The following ROBO2 variants were observed in gnomAD, a reference collection of about 807,000 sequenced individuals.
ROBO2 encodes roundabout guidance receptor 2.
Under a neutral mutation model 160.8 loss-of-function variants are expected in ROBO2, and 53 were observed. That is an observed-to-expected ratio of 0.33 (90% CI 0.26 to 0.41). The LOEUF (loss-of-function observed/expected upper bound fraction) is 0.41. Among genes scored for constraint, ROBO2 ranks in the 10% least tolerant of loss-of-function variants. The pLI is 1.00. For synonymous variants in ROBO2, 664 were observed against 611.7 expected (o/e 1.09, Z -1.26); for missense variants, 1,577 against 1,722.4 (o/e 0.92, Z 1.49).
intron 2 of ROBO2, among the ~76,000 whole-genome samples, chr3:76,371,704 T>A (rs1225610466): frequency 1.3e-5 from 2 of 151,946 alleles, no homozygotes; most frequent in Non-Finnish European, 2.9e-5. Flanking sequence ...ACTTAAAAAA[T>A]GTATAGGTTT....
At chr3:75,991,875 G>A (rs1020669533) in intron 2 of ROBO2, among the ~76,000 whole-genome samples, 1 of 152,116 alleles carries the variant, frequency 6.6e-6, no homozygotes, top group South Asian at 2.1e-4. Context: ...TTCAGAAAAG[G>A]GTTACTCTTG....
intron 2 of ROBO2, among the ~76,000 whole-genome samples, chr3:76,567,648 T>C (rs1445180946): frequency 4.5e-4 from 39 of 86,056 alleles, no homozygotes; most frequent in Non-Finnish European, 5.9e-4. Context: ...TATATATATA[T>C]ATATACACAT....
chr3:77,168,660 C>T (rs1182324748), intron 2 of ROBO2, among the ~76,000 whole-genome samples: 4 of 152,052 alleles, frequency 2.6e-5, no homozygotes, highest in Non-Finnish European at 4.4e-5. Flanking sequence ...TTTTTTGCCC[C>T]GACTCCTAGT....
intron 2 of ROBO2, among the ~76,000 whole-genome samples, chr3:76,300,265 G>C (rs1451714394): frequency 2.0e-5 from 3 of 151,064 alleles, no homozygotes; most frequent in Non-Finnish European, 4.4e-5. Context: ...GCTGCTCCCT[G>C]AATAGTTCTT....
chr3:76,131,755 T>C (rs75556586), intron 2 of ROBO2, among the ~76,000 whole-genome samples: 2 of 152,140 alleles, frequency 1.3e-5, no homozygotes, highest in East Asian at 1.9e-4. Context: ...TAAAAACAAG[T>C]GAGCATTTAG....
chr3:76,715,321 A>G (rs2093362445), intron 2 of ROBO2, among the ~76,000 whole-genome samples: 1 of 152,198 alleles, frequency 6.6e-6, no homozygotes. Flanking sequence ...ACTAACATCA[A>G]CAAAACAAAA....
chr3:77,199,811 G>C (rs1453298993), intron 2 of ROBO2, among the ~76,000 whole-genome samples: 1 of 150,034 alleles, frequency 6.7e-6, no homozygotes, highest in Non-Finnish European at 1.5e-5. Context: ...GTTGTTTATA[G>C]AGATGATGAC....
intron 2 of ROBO2, among the ~76,000 whole-genome samples, chr3:77,277,195 T>G (rs2059923008): frequency 7.5e-6 from 1 of 133,942 alleles, no homozygotes; most frequent in African/African-American, 2.8e-5. Context: ...TTTCTTTCTT[T>G]CTTTCTTTCT....
intron 2 of ROBO2, among the ~76,000 whole-genome samples, chr3:76,336,981 TA>T (rs915714744): frequency 5.3e-5 from 8 of 151,890 alleles, no homozygotes; most frequent in East Asian, 3.9e-4. Context: ...ATTGGGTATT[TA>T]AAAAAAACCC....
intron 21 of ROBO2, among the ~76,000 whole-genome samples, chr3:77,611,976 T>A (rs1201358636): frequency 6.6e-6 from 1 of 152,216 alleles, no homozygotes; most frequent in Non-Finnish European, 1.5e-5. Context: ...GGCAAGCTTC[T>A]GCCAGTGTTG....
At chr3:76,251,717 G>A (rs552986243) in intron 2 of ROBO2, among the ~76,000 whole-genome samples, 2 of 152,178 alleles carry the variant, frequency 1.3e-5, no homozygotes, top group South Asian at 4.1e-4. Flanking sequence ...TGTAAATAAG[G>A]AACATTCAGT....
intron 2 of ROBO2, among the ~76,000 whole-genome samples, chr3:76,485,613 G>T (rs2079450587): frequency 6.6e-6 from 1 of 152,144 alleles, no homozygotes; most frequent in South Asian, 2.1e-4. Flanking sequence ...CCTACTTTGA[G>T]AAATAGGTGT....
intron 2 of ROBO2, among the ~76,000 whole-genome samples, chr3:77,003,133 C>T (rs936068306): frequency 6.6e-6 from 1 of 152,078 alleles, no homozygotes; most frequent in Non-Finnish European, 1.5e-5. Flanking sequence ...AATAAATATT[C>T]TTTGTTATGT....
intron 2 of ROBO2, among the ~76,000 whole-genome samples, chr3:76,315,024 G>T (rs2071889795): frequency 6.6e-6 from 1 of 152,170 alleles, no homozygotes; most frequent in South Asian, 2.1e-4. Context: ...AGGTCTAGAA[G>T]ATGTAAGTGG....
chr3:77,511,239 G>A (rs2089351645), intron 5 of ROBO2, among the ~76,000 whole-genome samples: 1 of 151,984 alleles, frequency 6.6e-6, no homozygotes, highest in African/African-American at 2.4e-5. Context: ...TCTACCATGG[G>A]AATGTAAGAT....
chr3:77,594,787 T>G (rs574649420), intron 17 of ROBO2, among the ~76,000 whole-genome samples: 45 of 152,302 alleles, frequency 3.0e-4, no homozygotes, highest in Non-Finnish European at 6.0e-4. Context: ...CACCTTTGTT[T>G]TAAAATTAAA....
At chr3:77,295,177 G>A in intron 2 of ROBO2, among the ~76,000 whole-genome samples, 1 of 148,696 alleles carries the variant, frequency 6.7e-6, no homozygotes, top group African/African-American at 2.5e-5. Flanking sequence ...GCTGAGGCTA[G>A]ATCACTAAAG....
At chr3:76,277,455 T>A (rs1707993011) in intron 2 of ROBO2, among the ~76,000 whole-genome samples, 1 of 151,948 alleles carries the variant, frequency 6.6e-6, no homozygotes, top group South Asian at 2.1e-4. Flanking sequence ...TAGGAAGGCA[T>A]TCTGCTGGAT....
chr3:76,410,102 T>C (rs1317618351), intron 2 of ROBO2, among the ~76,000 whole-genome samples: 3 of 152,160 alleles, frequency 2.0e-5, no homozygotes, highest in Non-Finnish European at 4.4e-5. Context: ...TATTTTTTTC[T>C]TGGGCTGCTT....
Sources: gnomAD v4.1 joint callset for allele counts (sites outside exome capture counted in the v4.1 genomes callset) on GRCh38, gnomAD v4.1.1 for gene constraint, MANE v1.5 for transcripts, NCBI Gene and HGNC (gene_info 2026-07-23, HGNC 2026-07-21) for gene names.